Variants in NAV3 observed in about 807,000 individuals in gnomAD.
The protein encoded by NAV3 is pore membrane and/or filament interacting like protein 1.
In NAV3, 87 loss-of-function variants were observed where a neutral mutation model predicts 244.7. That is an observed-to-expected ratio of 0.36 (90% CI 0.30 to 0.42). NAV3 has a LOEUF of 0.42. Among genes scored for constraint, NAV3 ranks in the 20% least tolerant of loss-of-function variants. The pLI, the probability that NAV3 is intolerant of heterozygous loss-of-function variation, is 1.00. For missense variants in NAV3, 2,663 were observed against 2,893.3 expected (o/e 0.92, Z 1.83); for synonymous variants, 1,126 against 1,042.2 (o/e 1.08, Z -1.55).
At chr12:77,597,370 G>A (rs1253963792) in intron 2 of NAV3, among the ~76,000 whole-genome samples, 2 of 152,026 alleles carry the variant, frequency 1.3e-5, no homozygotes, top group Non-Finnish European at 2.9e-5. Flanking sequence ...AAGCCATGGA[G>A]CCTTGATATC....
At chr12:77,753,713 T>C (rs566753357) in intron 2 of NAV3, among the ~76,000 whole-genome samples, 35 of 152,304 alleles carry the variant, frequency 2.3e-4, no homozygotes, top group African/African-American at 8.2e-4. Context: ...AAATCATTGC[T>C]TTTTAAGAAA....
chr12:78,209,480 A>G (rs1480587285), intron 39 of NAV3, among the ~76,000 whole-genome samples: 2 of 151,804 alleles, frequency 1.3e-5, no homozygotes, highest in Admixed American at 6.6e-5. Context: ...ACATGTGCCA[A>G]TTTTTCTGTG....
chr12:77,952,068 TAAA>T (rs35164374), intron 3 of NAV3, among the ~76,000 whole-genome samples: 10 of 140,070 alleles, frequency 7.1e-5, no homozygotes, highest in African/African-American at 2.6e-4. Flanking sequence ...AAAGTATAAT[TAAA>T]AAAAAAAAAA....
chr12:77,699,088 A>G (rs1875443430), intron 2 of NAV3, among the ~76,000 whole-genome samples: 2 of 152,146 alleles, frequency 1.3e-5, no homozygotes, highest in Non-Finnish European at 2.9e-5. Context: ...TTAGTGTTTT[A>G]TCCACTTTTA....
intron 1 of NAV3, among the ~76,000 whole-genome samples, chr12:77,876,591 G>A (rs537627641): frequency 5.3e-5 from 8 of 152,154 alleles, no homozygotes; most frequent in African/African-American, 1.2e-4. Context: ...ATGTAAAGAG[G>A]AAGGTGCTTT....
intron 2 of NAV3, among the ~76,000 whole-genome samples, chr12:77,622,192 C>G (rs1444374192): frequency 6.6e-6 from 1 of 151,968 alleles, no homozygotes; most frequent in African/African-American, 2.4e-5. Flanking sequence ...CAGAGTCTCA[C>G]CCTGTCTCCC....
intron 1 of NAV3, among the ~76,000 whole-genome samples, chr12:77,911,033 C>T (rs553321113): frequency 3.3e-4 from 50 of 152,028 alleles, no homozygotes; most frequent in Non-Finnish European, 5.9e-4. Context: ...ATACCTCAAC[C>T]GGCCAGGATG....
chr12:77,687,872 A>G (rs1874829047), intron 2 of NAV3, among the ~76,000 whole-genome samples: 1 of 152,206 alleles, frequency 6.6e-6, no homozygotes. Context: ...AGGGATTTTA[A>G]CCTTTTTGAC....
Position 78,009,164 on chromosome 12 carries a change from A to G in NAV3, c.1907+1719A>G, listed in dbSNP as rs191388947. 8.5e-5 allele frequency among the ~76,000 whole-genome samples: 13 copies of G among 152,308 alleles called. No homozygotes were observed. The East Asian group carries it at 1.7e-3, about 20-fold the overall frequency. On this transcript the variant is annotated intron_variant, in intron 8 of 39. Transcript: ENST00000397909. ...GTTTCCATTTGAAAATGTAACTTTTAAATATCAAAAACAGGAAGCAGCACA... is the reference window on the plus strand; with the variant it reads ...GTTTCCATTTGAAAATGTAACTTTTGAATATCAAAAACAGGAAGCAGCACA...
intron 31 of NAV3, among the ~76,000 whole-genome samples, chr12:78,186,788 C>T (rs760681434): frequency 6.6e-6 from 1 of 151,794 alleles, no homozygotes; most frequent in Non-Finnish European, 1.5e-5. Context: ...TATTTTCTCA[C>T]AGTTCTGGAG....
intron 8 of NAV3, among the ~76,000 whole-genome samples, chr12:78,012,473 A>G (rs1195088078): frequency 2.6e-5 from 4 of 152,074 alleles, no homozygotes; most frequent in Non-Finnish European, 5.9e-5. Flanking sequence ...ATGACCCTCC[A>G]GGTTCTAAGT....
At position 77,905,973 on chromosome 12, in the gene NAV3, C is replaced by T. The variant is rs1414244742; in HGVS notation, c.244-34346C>T. Reference sequence around the variant, plus strand: ...ACTGGGTAGTTAACTGTCACTAGACCTTGCTCCCTCTGGTCACTTCTGATT... The same window carrying T: ...ACTGGGTAGTTAACTGTCACTAGACTTTGCTCCCTCTGGTCACTTCTGATT... On this transcript the variant is annotated intron_variant, in intron 1 of 39. Transcript: ENST00000397909. Among the ~76,000 whole-genome samples the T allele has an allele frequency of 5.3e-5, 8 of 152,242 alleles. No individual in the cohort carries two copies. The South Asian group carries it at 1.0e-3, about 20-fold the overall frequency.
At chr12:78,043,938 G>T (rs1190086983) in intron 9 of NAV3, among the ~76,000 whole-genome samples, 3 of 152,154 alleles carry the variant, frequency 2.0e-5, no homozygotes, top group African/African-American at 7.2e-5. Flanking sequence ...AGTTTAATTA[G>T]ATCCCATTTG....
chr12:78,113,389 G>T (rs1955202958), intron 12 of NAV3, among the ~76,000 whole-genome samples: 1 of 152,248 alleles, frequency 6.6e-6, no homozygotes, highest in Non-Finnish European at 1.5e-5. Context: ...CTCCACCGCT[G>T]CAGCAAACTT....
chr12:77,937,068 G>T (rs1239291367), intron 1 of NAV3, among the ~76,000 whole-genome samples: 1 of 152,044 alleles, frequency 6.6e-6, no homozygotes, highest in African/African-American at 2.4e-5. Flanking sequence ...TCATTTCCTT[G>T]GAGGGTCTCA....
intron 9 of NAV3, among the ~76,000 whole-genome samples, chr12:78,024,139 C>T (rs550958390): frequency 2.6e-5 from 4 of 152,258 alleles, no homozygotes; most frequent in South Asian, 4.2e-4. Context: ...CACCAACCTC[C>T]GCATATTTTT....
intron 12 of NAV3, among the ~76,000 whole-genome samples, chr12:78,075,458 A>G (rs1952998389): frequency 6.6e-6 from 1 of 152,166 alleles, no homozygotes; most frequent in Non-Finnish European, 1.5e-5. Flanking sequence ...AGAAGTCCAT[A>G]GTTACTATGA....
At position 77,593,205 on chromosome 12, in the gene NAV3, A is replaced by G. The variant is rs566960617; in HGVS notation, c.72+20939A>G. Reference sequence around the variant, plus strand: ...AAAAATAATGAATCTGCTTAAAAGAAATGCTACTGTTACACCAAGATTATT... The same window carrying G: ...AAAAATAATGAATCTGCTTAAAAGAGATGCTACTGTTACACCAAGATTATT... On this transcript the variant is annotated intron_variant, in intron 2 of 8. Coordinates refer to the NAV3 transcript ENST00000550042. Among the ~76,000 whole-genome samples, 7 of 152,260 alleles carry G rather than the reference A, an allele frequency of 4.6e-5. No individual in the cohort carries two copies. In the South Asian group the frequency reaches 1.5e-3, roughly 32 times the overall value.
At chr12:77,635,063 T>C (rs11106060) in intron 2 of NAV3, among the ~76,000 whole-genome samples, 13,180 of 152,092 alleles carry the variant, frequency 0.087, 1,348 homozygotes, top group African/African-American at 0.24. Context: ...ACCCTGTCTC[T>C]ACTAAGAACA....
Sources: allele counts gnomAD v4.1 joint callset (sites outside exome capture counted in the v4.1 genomes callset), GRCh38; gene constraint gnomAD v4.1.1; transcripts MANE v1.5; gene names NCBI Gene and HGNC (gene_info 2026-07-23, HGNC 2026-07-21).